The following FBXL7 variants were observed in gnomAD, a reference collection of about 807,000 sequenced individuals.
FBXL7 encodes the protein F-box/LRR-repeat protein 7.
In FBXL7, 12 loss-of-function variants were observed where a neutral mutation model predicts 38.3. That is an observed-to-expected ratio of 0.31 (90% CI 0.20 to 0.51). The LOEUF (loss-of-function observed/expected upper bound fraction) is 0.51. Among genes scored for constraint, FBXL7 ranks in the 20% least tolerant of loss-of-function variants. The pLI, the probability that FBXL7 is intolerant of heterozygous loss-of-function variation, is 0.98. For missense variants in FBXL7, 567 were observed against 676.4 expected (o/e 0.84, Z 1.79); for synonymous variants, 297 against 300.9 (o/e 0.99, Z 0.13).
At chr5:15,702,369 A>G (rs1288668966) in intron 2 of FBXL7, among the ~76,000 whole-genome samples, 1 of 152,226 alleles carries the variant, frequency 6.6e-6, no homozygotes, top group African/African-American at 2.4e-5. Context: ...AATGCACTCA[A>G]ATGAGCTCAA....
chr5:15,669,906 G>A (rs754591255), intron 2 of FBXL7, among the ~76,000 whole-genome samples: 1 of 152,176 alleles, frequency 6.6e-6, no homozygotes, highest in East Asian at 1.9e-4. Flanking sequence ...ACTCCTTCAT[G>A]TCACTTCTCC....
intron 2 of FBXL7, among the ~76,000 whole-genome samples, chr5:15,683,119 A>T (rs182833563): frequency 6.6e-6 from 1 of 152,338 alleles, no homozygotes; most frequent in East Asian, 1.9e-4. Context: ...TTTCCATTTC[A>T]AATGCAGAAT....
chr5:15,874,870 A>G (rs1740132627), intron 2 of FBXL7, among the ~76,000 whole-genome samples: 1 of 152,214 alleles, frequency 6.6e-6, no homozygotes, highest in South Asian at 2.1e-4. Flanking sequence ...TGCTATCCCC[A>G]TCAAGCTACC....
In FBXL7 at chr5:15,835,040, A is replaced by G. The variant is rs576896007; in HGVS notation, c.128-92850A>G. Among the ~76,000 whole-genome samples, 6 of 152,320 alleles carry G rather than the reference A, an allele frequency of 3.9e-5. No individual in the cohort carries two copies. The South Asian group carries it at 1.2e-3, about 32-fold the overall frequency. On this transcript the variant is annotated intron_variant, in intron 2 of 3. Transcript: ENST00000504595. Reference sequence around the variant, plus strand: ...CTTGTAAACTACAGTTTCATATTTTAATGGTTACTTTTGCTTAGTAATCAA... The same window carrying G: ...CTTGTAAACTACAGTTTCATATTTTGATGGTTACTTTTGCTTAGTAATCAA...
intron 2 of FBXL7, among the ~76,000 whole-genome samples, chr5:15,779,126 G>C (rs1459530653): frequency 6.6e-6 from 1 of 151,938 alleles, no homozygotes; most frequent in Admixed American, 6.6e-5. Flanking sequence ...GTAAAAGAGT[G>C]GCTTTAAAAA....
intron 2 of FBXL7, among the ~76,000 whole-genome samples, chr5:15,672,870 T>C (rs1341522967): frequency 6.6e-6 from 1 of 152,166 alleles, no homozygotes; most frequent in African/African-American, 2.4e-5. Context: ...TTTATTTTTC[T>C]AAATTTAATG....
intron 2 of FBXL7, among the ~76,000 whole-genome samples, chr5:15,650,696 C>T (rs1044020131): frequency 2.0e-5 from 3 of 152,220 alleles, no homozygotes; most frequent in African/African-American, 7.2e-5. Flanking sequence ...CTTGTCATTT[C>T]AACAACGTCC....
chr5:15,762,179 A>C (rs1446972991), intron 2 of FBXL7, among the ~76,000 whole-genome samples: 2 of 152,190 alleles, frequency 1.3e-5, no homozygotes, highest in Non-Finnish European at 2.9e-5. Context: ...GTGAGGATGA[A>C]AGCTGAAGTT....
intron 2 of FBXL7, among the ~76,000 whole-genome samples, chr5:15,844,562 A>C (rs760215878): frequency 4.6e-5 from 7 of 152,216 alleles, no homozygotes; most frequent in Admixed American, 2.6e-4. Context: ...CTGAGTATAG[A>C]GTATGCAGGA....
intron 2 of FBXL7, among the ~76,000 whole-genome samples, chr5:15,845,967 G>A (rs547777514): frequency 1.7e-4 from 26 of 152,274 alleles, no homozygotes; most frequent in Admixed American, 3.3e-4. Flanking sequence ...GCGAGACTCC[G>A]TCTCAAAAAA....
At chr5:15,707,178 T>TC (rs1743712782) in intron 2 of FBXL7, among the ~76,000 whole-genome samples, 1 of 135,778 alleles carries the variant, frequency 7.4e-6, no homozygotes, top group Non-Finnish European at 1.6e-5. Flanking sequence ...CTTTTCGTTT[T>TC]TTTTTTTTTT....
At chr5:15,573,076 TTG>T (rs1471753691) in intron 1 of FBXL7, among the ~76,000 whole-genome samples, 2 of 152,206 alleles carry the variant, frequency 1.3e-5, no homozygotes, top group Admixed American at 6.5e-5. Context: ...TCCCCCAAAA[TTG>T]TGTCCTGCAG....
At position 15,500,589 on chromosome 5, in the gene FBXL7, T is replaced by C. The variant is rs1023617849; in HGVS notation, c.-88T>C. On this transcript the variant is annotated 5_prime_UTR_variant, in exon 1 of 4. Transcript: ENST00000504595. ...GGGGGATGTGCAGCTAACGGTCCCG[T>C]CGGGCGGGCTTTCCTCGGGCCGAGC... The C allele has an allele frequency of 6.3e-7, 1 of 1,582,274 alleles. No individual in the cohort carries two copies. Among genetic ancestry groups the C allele is most frequent in the Non-Finnish European group, 8.7e-7 (1 of 1,151,918 alleles).
intron 2 of FBXL7, among the ~76,000 whole-genome samples, chr5:15,876,894 A>T: frequency 6.6e-6 from 1 of 152,206 alleles, no homozygotes; most frequent in Non-Finnish European, 1.5e-5. Context: ...GGAGATGGTT[A>T]CTAAGTATTT....
At chr5:15,567,491 G>A (rs1738620528) in intron 1 of FBXL7, among the ~76,000 whole-genome samples, 1 of 152,080 alleles carries the variant, frequency 6.6e-6, no homozygotes, top group South Asian at 2.1e-4. Flanking sequence ...AAGAGTGGGT[G>A]TCTGCTTGCA....
intron 2 of FBXL7, among the ~76,000 whole-genome samples, chr5:15,809,555 A>C (rs1171940797): frequency 2.0e-5 from 3 of 152,222 alleles, no homozygotes; most frequent in Admixed American, 2.0e-4. Flanking sequence ...ATTAGCCTTT[A>C]GTATTATCAC....
chr5:15,865,786 A>T (rs1480072650), intron 2 of FBXL7, among the ~76,000 whole-genome samples: 1 of 152,050 alleles, frequency 6.6e-6, no homozygotes, highest in Non-Finnish European at 1.5e-5. Context: ...GTTCCTTTCA[A>T]CTCACTTTTA....
intron 2 of FBXL7, among the ~76,000 whole-genome samples, chr5:15,851,510 T>C (rs2126794636): frequency 6.6e-6 from 1 of 152,280 alleles, no homozygotes; most frequent in Admixed American, 6.5e-5. Context: ...TCTAATAGTT[T>C]GAAATATACT....
intron 2 of FBXL7, among the ~76,000 whole-genome samples, chr5:15,870,727 C>T (rs1046742599): frequency 9.9e-5 from 15 of 152,178 alleles, no homozygotes; most frequent in Admixed American, 2.6e-4. Flanking sequence ...CACCACAGTG[C>T]CACAGAGCCA....
Sources: gnomAD v4.1 joint callset for allele counts (sites outside exome capture counted in the v4.1 genomes callset) on GRCh38, gnomAD v4.1.1 for gene constraint, MANE v1.5 for transcripts, NCBI Gene and HGNC (gene_info 2026-07-23, HGNC 2026-07-21) for gene names.